PDE1C: variants seen among roughly 807,000 people sequenced by gnomAD.
PDE1C encodes dual specificity calcium/calmodulin-dependent 3',5'-cyclic nucleotide phosphodiesterase 1C.
Under a neutral mutation model 93.1 loss-of-function variants are expected in PDE1C, and 62 were observed. That is an observed-to-expected ratio of 0.67 (90% CI 0.54 to 0.82). The LOEUF (loss-of-function observed/expected upper bound fraction) is 0.82. PDE1C is among the 40% of genes least tolerant of loss of function. The pLI is 0.00. For synonymous variants in PDE1C, 325 were observed against 310.1 expected (o/e 1.05, Z -0.50); for missense variants, 742 against 884.6 (o/e 0.84, Z 2.04).
chr7:32,063,799 G>A (rs928416384), intron 1 of PDE1C, among the ~76,000 whole-genome samples: 2 of 152,118 alleles, frequency 1.3e-5, no homozygotes, highest in African/African-American at 2.4e-5. Context: ...AGCATGTAGC[G>A]TCCACATCAC....
At chr7:31,865,513 CA>C (rs1377167631) in intron 6 of PDE1C, among the ~76,000 whole-genome samples, 2 of 152,066 alleles carry the variant, frequency 1.3e-5, no homozygotes, top group Admixed American at 6.6e-5. Context: ...CATAGGACAC[CA>C]AACAATGTTG....
At chr7:31,834,103 T>C (rs1051880136) in intron 11 of PDE1C, among the ~76,000 whole-genome samples, 2 of 152,206 alleles carry the variant, frequency 1.3e-5, no homozygotes, top group Non-Finnish European at 1.5e-5. Context: ...GATTTCTGCA[T>C]GGTGTTGAGC....
intron 17 of PDE1C, among the ~76,000 whole-genome samples, chr7:31,756,118 G>A (rs1794449906): frequency 6.6e-6 from 1 of 152,102 alleles, no homozygotes; most frequent in South Asian, 2.1e-4. Flanking sequence ...GTTGCAGTGA[G>A]CCAAGATGGT....
intron 2 of PDE1C, among the ~76,000 whole-genome samples, chr7:31,940,369 G>A (rs73686830): frequency 0.023 from 3,577 of 152,258 alleles, 121 homozygotes; most frequent in African/African-American, 0.079. Context: ...AAAGCAGATG[G>A]TCAAGACTTG....
the PDE1C span, among the ~76,000 whole-genome samples, chr7:31,648,346 AAAG>A: frequency 6.6e-6 from 1 of 151,968 alleles, no homozygotes; most frequent in Non-Finnish European, 1.5e-5. Flanking sequence ...AGAAGAAGAA[AAAG>A]AAGAAATGTT....
intron 2 of PDE1C, among the ~76,000 whole-genome samples, chr7:31,980,270 T>C (rs758663736): frequency 2.6e-4 from 39 of 152,206 alleles, no homozygotes; most frequent in Non-Finnish European, 4.4e-4. Flanking sequence ...GGATTAATAA[T>C]TCAGGAAGTA....
chr7:31,878,903 T>C (rs893689062), intron 4 of PDE1C, 93 bp downstream of exon 4: 11 of 1,260,228 alleles, frequency 8.7e-6, no homozygotes, highest in Middle Eastern at 1.9e-4. Context: ...TTTATAAAGA[T>C]AGGAAAACTA....
At chr7:32,238,672 A>C (rs1236867904) in intron 1 of PDE1C, among the ~76,000 whole-genome samples, 1 of 152,256 alleles carries the variant, frequency 6.6e-6, no homozygotes, top group African/African-American at 2.4e-5. Context: ...GAAACCATTA[A>C]GACAATGTTT....
chr7:31,778,135 A>ACT (rs1037966523), intron 16 of PDE1C, among the ~76,000 whole-genome samples: 5 of 152,112 alleles, frequency 3.3e-5, no homozygotes, highest in African/African-American at 1.2e-4. Context: ...TGTCTTGGAC[A>ACT]CTCCGGGGTG....
chr7:31,829,942 T>C (rs1431519744), intron 11 of PDE1C, among the ~76,000 whole-genome samples: 1 of 152,174 alleles, frequency 6.6e-6, no homozygotes, highest in Non-Finnish European at 1.5e-5. Flanking sequence ...ATACAAATTG[T>C]TCTGTCAGTA....
intron 2 of PDE1C, among the ~76,000 whole-genome samples, chr7:32,009,402 A>G (rs986683016): frequency 6.6e-6 from 1 of 152,232 alleles, no homozygotes; most frequent in Non-Finnish European, 1.5e-5. Flanking sequence ...AGATCTGCAA[A>G]GAATCCCACT....
At chr7:32,096,379 T>A (rs1027333545) in intron 3 of PDE1C, among the ~76,000 whole-genome samples, 3 of 152,132 alleles carry the variant, frequency 2.0e-5, no homozygotes, top group Non-Finnish European at 4.4e-5. Context: ...AAACAGAAAA[T>A]CTTAAAGTAT....
chr7:32,123,869 G>A (rs941983027), intron 3 of PDE1C, among the ~76,000 whole-genome samples: 1 of 152,184 alleles, frequency 6.6e-6, no homozygotes, highest in African/African-American at 2.4e-5. Context: ...AATTAGGCAA[G>A]AGAAAGGAAT....
intron 3 of PDE1C, among the ~76,000 whole-genome samples, chr7:32,156,792 A>T (rs1801601636): frequency 6.6e-6 from 1 of 152,264 alleles, no homozygotes; most frequent in East Asian, 1.9e-4. Flanking sequence ...AAGTGATGCT[A>T]GAACCACTGC....
chr7:31,640,004 A>G, the PDE1C span, among the ~76,000 whole-genome samples: 6 of 152,208 alleles, frequency 3.9e-5, no homozygotes, highest in African/African-American at 1.4e-4. Flanking sequence ...TTTGGATTTT[A>G]CCATATAGGT....
At chr7:32,024,723 G>A (rs912517818) in intron 2 of PDE1C, among the ~76,000 whole-genome samples, 1 of 152,024 alleles carries the variant, frequency 6.6e-6, no homozygotes, top group East Asian at 1.9e-4. Context: ...TGAGCTCTCG[G>A]AAGCTCAGAA....
At chr7:32,370,322 G>A (rs1251781512) in intron 1 of PDE1C, among the ~76,000 whole-genome samples, 14 of 152,002 alleles carry the variant, frequency 9.2e-5, no homozygotes, top group African/African-American at 1.9e-4. Flanking sequence ...GGTGGCGGGC[G>A]TCTGTAGTCC....
intron 11 of PDE1C, among the ~76,000 whole-genome samples, chr7:31,831,591 G>A (rs530977435): frequency 6.6e-6 from 1 of 152,076 alleles, no homozygotes; most frequent in East Asian, 1.9e-4. Context: ...GAATACTACT[G>A]CTCTGATTGC....
the PDE1C span, among the ~76,000 whole-genome samples, chr7:31,685,649 C>T: frequency 1.3e-5 from 2 of 152,184 alleles, no homozygotes; most frequent in Non-Finnish European, 2.9e-5. Flanking sequence ...AGCAAACCAC[C>T]ATGGCACACG....
Sources: allele counts gnomAD v4.1 joint callset (sites outside exome capture counted in the v4.1 genomes callset), GRCh38; gene constraint gnomAD v4.1.1; transcripts MANE v1.5; gene names NCBI Gene and HGNC (gene_info 2026-07-23, HGNC 2026-07-21).